Variants in CDK5RAP2 observed in about 807,000 individuals in gnomAD.
CDK5RAP2 encodes CDK5 regulatory subunit-associated protein 2.
CDK5RAP2 carries 147 observed loss-of-function variants against 232.9 expected under a neutral mutation model. The observed-to-expected ratio is 0.63, with a 90% CI of 0.55 to 0.72. The LOEUF (loss-of-function observed/expected upper bound fraction) is 0.72. Ranked by LOEUF, CDK5RAP2 falls within the 30% of genes least tolerant of loss-of-function variation. The probability of loss-of-function intolerance (pLI) is 0.00; values close to 1 mark genes in which losing one functional copy is unlikely to be tolerated. For synonymous variants in CDK5RAP2, 833 were observed against 833.7 expected, an observed-to-expected ratio of 1.00 and a Z score of 0.01; for missense variants, 2,195 against 2,231.5, an observed-to-expected ratio of 0.98 and a Z score of 0.33.
At chr9:120,457,850 A>C (rs1258386561) in intron 20 of CDK5RAP2, among the ~76,000 whole-genome samples, 1 of 152,204 alleles carries the variant, frequency 6.6e-6, no homozygotes, top group Non-Finnish European at 1.5e-5. Flanking sequence ...AGGCACTGAG[A>C]GATAAAACCA....
Position 120,403,330 on chromosome 9 carries a change from C to A in CDK5RAP2, c.5042-259G>T. 2.0e-6 allele frequency: 1 copy of A among 493,026 alleles called. No homozygotes were observed. The highest frequency in any genetic ancestry group is 3.7e-6 in the Non-Finnish European group (1 of 270,652). The allele number at this position is 493,026 out of a possible 1,614,324, so 30.5% of individuals were successfully genotyped here. A position where few individuals can be genotyped will look rare whatever the true frequency, so the allele number is the denominator to read the frequency against. On this transcript the variant is annotated intron_variant, in intron 33 of 37. Transcript: ENST00000349780. This position sits in a 1 kb window ranked among gnomAD's most constrained non-coding sequence, Gnocchi z 4.2. Reference sequence around the variant, plus strand: ...CAACCACCCACTCGGCAGAAGACCCCAGATTCACAAGGATGACTCAAGCTG... The same window carrying A: ...CAACCACCCACTCGGCAGAAGACCCAAGATTCACAAGGATGACTCAAGCTG...
At chr9:120,559,431 G>A (rs2042374864) in intron 3 of CDK5RAP2, among the ~76,000 whole-genome samples, 1 of 146,522 alleles carries the variant, frequency 6.8e-6, no homozygotes, top group Admixed American at 6.9e-5. Context: ...AGCTTGCAGT[G>A]AGCCGAGATC....
At chr9:120,417,881 G>A (rs1231789133) in intron 27 of CDK5RAP2, among the ~76,000 whole-genome samples, 5 of 152,096 alleles carry the variant, frequency 3.3e-5, no homozygotes, top group Admixed American at 6.5e-5. Flanking sequence ...AAAGCTTCAC[G>A]TTCACAGATA....
chr9:120,560,351 G>A (rs1050316164), intron 3 of CDK5RAP2, among the ~76,000 whole-genome samples: 13 of 152,146 alleles, frequency 8.5e-5, no homozygotes, highest in South Asian at 2.1e-4. Context: ...TAAAAATCAC[G>A]TAGAGTGAAG....
chr9:120,450,465 C>A (rs1257418235), intron 21 of CDK5RAP2, among the ~76,000 whole-genome samples: 1 of 151,934 alleles, frequency 6.6e-6, no homozygotes, highest in African/African-American at 2.4e-5. Context: ...TAAAAAAAAA[C>A]CCACTGAATT....
At chr9:120,562,572 G>A (rs916433231) in intron 3 of CDK5RAP2, among the ~76,000 whole-genome samples, 9 of 151,906 alleles carry the variant, frequency 5.9e-5, no homozygotes, top group Non-Finnish European at 1.0e-4. Flanking sequence ...TCCACTGAGC[G>A]GCATCCCACA....
At chr9:120,568,843 A>G (rs974541149) in intron 2 of CDK5RAP2, among the ~76,000 whole-genome samples, 2 of 152,182 alleles carry the variant, frequency 1.3e-5, no homozygotes. Context: ...ATCTGTCACA[A>G]CTACTCAAAT....
chr9:120,522,015 A>C (rs900357356), intron 11 of CDK5RAP2, among the ~76,000 whole-genome samples: 5 of 152,150 alleles, frequency 3.3e-5, no homozygotes, highest in African/African-American at 1.2e-4. Flanking sequence ...GTACTAATAC[A>C]GTTAACAAGA....
At position 120,520,762 on chromosome 9, in the gene CDK5RAP2, GAT is replaced by G. The variant is rs1164055556; in HGVS notation, c.1093-2119_1093-2118del. 3.4e-4 allele frequency among the ~76,000 whole-genome samples: 41 copies of G among 120,014 alleles called. 3 individuals are homozygous for G. The East Asian group carries it at 9.2e-3, about 27-fold the overall frequency. 78.7% of individuals were successfully genotyped at this position (120,014 alleles called of 152,430 possible). On this transcript the variant is annotated intron_variant, in intron 11 of 37. Coordinates refer to ENST00000349780, the MANE Select transcript of CDK5RAP2 (RefSeq NM_018249.6). Reference sequence around the variant, plus strand: ...TCATGTGATATCTCATATCTCATGAGATATATCTCAGATATCTCATGAGATAT... The same window carrying G: ...TCATGTGATATCTCATATCTCATGAGATATCTCAGATATCTCATGAGATAT...
intron 4 of CDK5RAP2, 91 bp downstream of exon 4, chr9:120,550,701 C>G (rs1365540479): frequency 9.7e-6 from 8 of 823,758 alleles, no homozygotes; most frequent in Non-Finnish European, 1.7e-5. Flanking sequence ...TCTATTCATA[C>G]TAACTCTAAG....
chr9:120,409,290 G>A lies in CDK5RAP2; in HGVS notation c.4441C>T (p.Arg1481Ter), dbSNP rs587783390. 14 of 1,606,314 alleles carry A rather than the reference G, an allele frequency of 8.7e-6. No homozygotes were observed. The highest frequency in any genetic ancestry group is 2.2e-5 in the East Asian group (1 of 44,586). The change falls in exon 30 of 38, where the codon CGA becomes TGA. Residue 1481 changes from arginine to a stop codon, truncating the protein, a stop_gained. Transcript: ENST00000349780. LOFTEE classifies it high-confidence loss of function. ...ACGGTCTTCCTGGAGAGGGACTCTC[G>A]TAATTTGTCATTCTCCTTCTGTTTA... ...RDKQKENDKL[R>*]ESLSRKTVSL...
chr9:120,507,959 A>G (rs1262885788), intron 12 of CDK5RAP2, among the ~76,000 whole-genome samples: 12 of 137,200 alleles, frequency 8.7e-5, no homozygotes, highest in Non-Finnish European at 1.2e-4. Context: ...ATATATATAT[A>G]TATATATATA....
chr9:120,461,505 A>G (rs997579480), intron 18 of CDK5RAP2, among the ~76,000 whole-genome samples: 2 of 152,222 alleles, frequency 1.3e-5, no homozygotes, highest in Non-Finnish European at 2.9e-5. Context: ...ATAAGGAATC[A>G]ATCAAAGCTA....
chr9:120,389,149 C>T lies in CDK5RAP2; in HGVS notation c.*87G>A. On this transcript the variant is annotated 3_prime_UTR_variant, in exon 38 of 38. Transcript: ENST00000349780. The stretch of plus-strand genomic sequence containing the variant: ...TCCTTTGGCCAGACAGCTCTTTCTT[C>T]CTCAATAAATAGGAACCACACTTGG... The T allele has an allele frequency of 8.9e-7, 1 of 1,118,512 alleles. No homozygotes were observed. Among genetic ancestry groups the T allele is most frequent in the East Asian group, 2.5e-5 (1 of 40,202 alleles). The allele number at this position is 1,118,512 out of a possible 1,614,324, so 69.3% of individuals were successfully genotyped here. A position where few individuals can be genotyped will look rare whatever the true frequency, so the allele number is the denominator to read the frequency against.
In CDK5RAP2 at chr9:120,402,887, G is replaced by A; in HGVS notation, c.5226C>T (p.Ser1742=). ...EDYEALLKQI[S]QGQRLLAEMD... is the part of the protein sequence containing the mutation. ...TTTCAGCAAGGAGCCTCTGTCCCTG[G>A]CTGATCTGTTTGAGCAGGGCCTCAT... Residue 1742 remains serine, a synonymous_variant, in exon 34 of 38, where the codon AGC becomes AGT. Coordinates refer to ENST00000349780, the MANE Select transcript of CDK5RAP2 (RefSeq NM_018249.6). 4 of 1,614,024 alleles carry A rather than the reference G, an allele frequency of 2.5e-6. No individual in the cohort carries two copies. Among genetic ancestry groups the A allele is most frequent in the Non-Finnish European group, 3.4e-6 (4 of 1,180,002 alleles).
chr9:120,420,507 T>C (rs1251954178), intron 26 of CDK5RAP2, among the ~76,000 whole-genome samples: 1 of 152,056 alleles, frequency 6.6e-6, no homozygotes, highest in Non-Finnish European at 1.5e-5. Context: ...AAAACTCTCA[T>C]GGTTCCCAAG....
At chr9:120,417,149 A>G (rs2034272404) in intron 27 of CDK5RAP2, among the ~76,000 whole-genome samples, 1 of 151,912 alleles carries the variant, frequency 6.6e-6, no homozygotes, top group African/African-American at 2.4e-5. Context: ...GCTGGCGCCC[A>G]CGGCACTGCA....
At chr9:120,548,051 T>G (rs2041913980) in intron 4 of CDK5RAP2, among the ~76,000 whole-genome samples, 2 of 152,190 alleles carry the variant, frequency 1.3e-5, no homozygotes, top group Non-Finnish European at 2.9e-5. Context: ...AGGACTATAA[T>G]GAGCTAGCAA....
intron 27 of CDK5RAP2, 85 bp downstream of exon 27, chr9:120,419,701 TCA>T: frequency 9.9e-7 from 1 of 1,013,886 alleles, no homozygotes; most frequent in Non-Finnish European, 1.6e-6. Context: ...TACTCAAATG[TCA>T]CCACACTCTG....
Sources: allele counts gnomAD v4.1 joint callset (sites outside exome capture counted in the v4.1 genomes callset), GRCh38; gene constraint gnomAD v4.1.1; non-coding constraint Gnocchi (gnomAD v3.1); transcripts MANE v1.5; gene names NCBI Gene and HGNC (gene_info 2026-07-23, HGNC 2026-07-21).